The following USP28 variants were observed in gnomAD, a reference collection of about 807,000 sequenced individuals.
The protein encoded by USP28 is ubiquitin carboxyl-terminal hydrolase 28.
USP28 carries 113 observed loss-of-function variants against 145.0 expected under a neutral mutation model. The ratio of observed to expected loss-of-function variants is 0.78; its 90% confidence interval spans 0.67 to 0.91. USP28 has a LOEUF of 0.91. USP28 is among the 40% of genes least tolerant of loss of function. The pLI is 0.00. For missense variants in USP28, 1,201 were observed against 1,289.6 expected (o/e 0.93, Z 1.05); for synonymous variants, 447 against 450.9 (o/e 0.99, Z 0.11).
At chr11:113,829,455 G>T in intron 9 of USP28, 110 bp from the exon 10 acceptor site, 1 of 1,367,328 alleles carries the variant, frequency 7.3e-7, no homozygotes, top group Non-Finnish European at 1.0e-6. Flanking sequence ...CTGATAGCTG[G>T]TTAGAAATGC....
intron 1 of USP28, among the ~76,000 whole-genome samples, chr11:113,870,991 T>C (rs1273567216): frequency 6.6e-6 from 1 of 152,182 alleles, no homozygotes; most frequent in Non-Finnish European, 1.5e-5. Flanking sequence ...AAATGGAAAA[T>C]GCAAATTCAA....
At chr11:113,844,449 A>C (rs1165166205) in intron 3 of USP28, among the ~76,000 whole-genome samples, 1 of 152,042 alleles carries the variant, frequency 6.6e-6, no homozygotes. Flanking sequence ...GTCTTAAAAA[A>C]AGAAAAAAAA....
At chr11:113,824,253 G>A (rs1193251039) in intron 11 of USP28, among the ~76,000 whole-genome samples, 1 of 152,072 alleles carries the variant, frequency 6.6e-6, no homozygotes, top group Non-Finnish European at 1.5e-5. Context: ...ATATTAATAA[G>A]GACTTAAATC....
intron 1 of USP28, among the ~76,000 whole-genome samples, chr11:113,866,515 TATAA>T (rs573069530): frequency 1.6e-3 from 248 of 152,276 alleles, no homozygotes; most frequent in African/African-American, 5.5e-3. Context: ...AAAGAAGATA[TATAA>T]ATAGTCAATA....
At chr11:113,832,107 TTTC>T in intron 7 of USP28, 114 bp from the exon 8 acceptor site, 1 of 927,336 alleles carries the variant, frequency 1.1e-6, no homozygotes, top group East Asian at 2.7e-5. Flanking sequence ...CATTTCTTTT[TTTC>T]TTTTCTTTTT....
At chr11:113,828,758 A>G in intron 10 of USP28, 7 of 312,884 alleles carry the variant, frequency 2.2e-5, no homozygotes, top group South Asian at 1.9e-4. Flanking sequence ...ATGAAAATTA[A>G]ATTTTAAAAA....
intron 14 of USP28, among the ~76,000 whole-genome samples, chr11:113,814,238 T>C (rs1011049374): frequency 1.3e-4 from 20 of 152,204 alleles, no homozygotes; most frequent in Admixed American, 1.2e-3. Flanking sequence ...GTCACTTGGC[T>C]GTAAAATGTA....
At chr11:113,807,504 G>A (rs938784520) in intron 18 of USP28, among the ~76,000 whole-genome samples, 3 of 152,082 alleles carry the variant, frequency 2.0e-5, no homozygotes, top group Non-Finnish European at 4.4e-5. Flanking sequence ...GGGTTCTATA[G>A]CTTCTTCCTA....
exon 4 of USP28, chr11:113,841,675 C>G (rs761047337): frequency 7.5e-6 from 12 of 1,610,724 alleles, no homozygotes; most frequent in Non-Finnish European, 1.0e-5. Flanking sequence ...GTTAAGATCT[C>G]TTCCATCAGC....
intron 11 of USP28, 27 bp downstream of exon 11, chr11:113,827,206 A>T: frequency 1.3e-6 from 1 of 788,082 alleles, no homozygotes; most frequent in South Asian, 2.7e-5. Flanking sequence ...ATACCTCAGG[A>T]AAAAAAAAAA....
intron 1 of USP28, among the ~76,000 whole-genome samples, chr11:113,860,058 C>A (rs1349954949): frequency 6.6e-6 from 1 of 152,222 alleles, no homozygotes; most frequent in Non-Finnish European, 1.5e-5. Flanking sequence ...ATTATTCAGA[C>A]ACTAAAAACC....
chr11:113,832,516 C>CTT (rs1944120029), intron 7 of USP28, among the ~76,000 whole-genome samples: 2 of 152,120 alleles, frequency 1.3e-5, no homozygotes, highest in African/African-American at 4.8e-5. Context: ...AAAGTTGTAG[C>CTT]TAGAAGGAAG....
intron 1 of USP28, among the ~76,000 whole-genome samples, chr11:113,875,030 T>C (rs1001105764): frequency 2.0e-5 from 3 of 152,324 alleles, no homozygotes; most frequent in East Asian, 1.9e-4. Flanking sequence ...TTCGGTCTGC[T>C]TTAACCTTTT....
intron 1 of USP28, among the ~76,000 whole-genome samples, chr11:113,865,574 G>A (rs1234340524): frequency 1.3e-5 from 2 of 152,164 alleles, no homozygotes; most frequent in Non-Finnish European, 2.9e-5. Flanking sequence ...TTCAACCAGA[G>A]TGCCAACACC....
At chr11:113,829,653 C>A (rs1378252915) in intron 9 of USP28, among the ~76,000 whole-genome samples, 10 of 151,986 alleles carry the variant, frequency 6.6e-5, no homozygotes, top group Non-Finnish European at 4.4e-5. Context: ...CAGTGACACC[C>A]CTGTCTCTAC....
chr11:113,836,415 G>A (rs1944575448), intron 5 of USP28, among the ~76,000 whole-genome samples: 1 of 152,058 alleles, frequency 6.6e-6, no homozygotes, highest in Non-Finnish European at 1.5e-5. Flanking sequence ...TCTGCTTCCA[G>A]AACTTCCCTC....
intron 9 of USP28, 86 bp from the exon 10 acceptor site, chr11:113,829,431 A>C: frequency 1.3e-6 from 2 of 1,527,240 alleles, no homozygotes; most frequent in Non-Finnish European, 1.8e-6. Context: ...CAACATTTTA[A>C]ATTCAGCAAC....
In USP28 at chr11:113,813,644, T is replaced by C. The variant is rs115513719; in HGVS notation, c.1743+241A>G. 478 of 472,292 alleles carry C rather than the reference T, an allele frequency of 1.0e-3. 4 individuals carry two copies. The highest frequency in any genetic ancestry group is 8.8e-3 in the African/African-American group (432 of 49,236). 29.3% of individuals were successfully genotyped at this position (472,292 alleles called of 1,614,324 possible). A position where few individuals can be genotyped will look rare whatever the true frequency, so the allele number is the denominator to read the frequency against. ...TATCTGACAGCAAACCTTTCTACAA[T>C]ATGAAAAAATTCCATGTGGCAGAAT... On this transcript the variant is annotated intron_variant, in intron 15 of 24. Transcript: ENST00000003302.
Position 113,825,895 on chromosome 11 carries a change from TAC to T in USP28, c.1187+1336_1187+1337del, listed in dbSNP as rs1943227738. Among the ~76,000 whole-genome samples the T allele has an allele frequency of 6.6e-5, 10 of 152,320 alleles. No homozygotes were observed. In the South Asian group the frequency reaches 2.1e-3, roughly 32 times the overall value. On this transcript the variant is annotated intron_variant, in intron 11 of 24. Transcript: ENST00000003302. Reference sequence around the variant, plus strand: ...AAACCTTTTGGGTGCTGGAATGCCCTACATATTGACTGTGATGGTAGTTTATT... The same window carrying T: ...AAACCTTTTGGGTGCTGGAATGCCCTATATTGACTGTGATGGTAGTTTATT...
Sources: gnomAD v4.1 joint callset for allele counts (sites outside exome capture counted in the v4.1 genomes callset) on GRCh38, gnomAD v4.1.1 for gene constraint, MANE v1.5 for transcripts, NCBI Gene and HGNC (gene_info 2026-07-23, HGNC 2026-07-21) for gene names.